Variants in MUC6 observed in about 807,000 individuals in gnomAD.
MUC6 encodes the protein mucin-6.
MUC6 carries 188 observed loss-of-function variants against 201.5 expected under a neutral mutation model. That is an observed-to-expected ratio of 0.93 (90% CI 0.83 to 1.05). The LOEUF (loss-of-function observed/expected upper bound fraction) is 1.05, where lower values mean the gene tolerates loss of function less well. Ranked by LOEUF, MUC6 falls within the 50% of genes least tolerant of loss-of-function variation. The pLI is 0.00. For synonymous variants in MUC6, 1,228 were observed against 1,389.4 expected (o/e 0.88, Z 2.58); for missense variants, 2,706 against 3,256.9 (o/e 0.83, Z 4.12).
intron 2 of MUC6, among the ~76,000 whole-genome samples, chr11:1,032,294 T>C (rs989752584): frequency 5.9e-5 from 9 of 152,150 alleles, no homozygotes; most frequent in South Asian, 2.1e-4. Context: ...GTTGTGTGTG[T>C]GCACGTGTGT....
At position 1,026,332 on chromosome 11, in the gene MUC6, C is replaced by T. The variant is rs1168727470; in HGVS notation, c.2541G>A (p.Arg847=). Residue 847 remains arginine (R), a synonymous_variant, in exon 20 of 33, where the codon AGG becomes AGA. Coordinates refer to ENST00000421673, the MANE Select transcript of MUC6 (RefSeq NM_005961.3). ...PGGAELHTDC[R]TCSCSRGRWA... is the part of the protein sequence containing the mutation. ...GAAGCGAGGCTTTGTCTCACCAGGT[C>T]CTGCAGTCAGTGTGGAGCTCAGCTC... The T allele has an allele frequency of 5.1e-6, 8 of 1,581,830 alleles. No individual in the cohort carries two copies. The highest frequency in any genetic ancestry group is 1.7e-4 in the Middle Eastern group (1 of 5,880).
At position 1,033,019 on chromosome 11, in the gene MUC6, G is replaced by A; in HGVS notation, c.109C>T (p.Gln37Ter). ...GTGGCCGCTGTGTTCTTACCTGTCTGTGGAGAGTCCTTCAGCCTCTGGAGG... is the reference window on the plus strand; with the variant it reads ...GTGGCCGCTGTGTTCTTACCTGTCTATGGAGAGTCCTTCAGCCTCTGGAGG... ...PGLQRLKDSP[Q>*]TAPDKGQCST... The change falls in exon 2 of 33, where the codon CAG (glutamine) becomes TAG (stop). Residue 37 changes from glutamine (Q) to a stop codon, truncating the protein, a stop_gained. Transcript: ENST00000421673. LOFTEE classifies it high-confidence loss of function. This position sits in a 1 kb window ranked among gnomAD's most constrained non-coding sequence, Gnocchi z 5.6. 6.2e-7 allele frequency: 1 copy of A among 1,601,470 alleles called. No individual in the cohort carries two copies.
rs745902149 is a variant in MUC6, at chr11:1,013,639, G to A, written c.7143-6C>T. The A allele has an allele frequency of 4.5e-6, 7 of 1,557,156 alleles. No homozygotes were observed. Among genetic ancestry groups the A allele is most frequent in the Non-Finnish European group, 6.1e-6 (7 of 1,151,646 alleles). On this transcript the variant is annotated splice_region_variant and splice_polypyrimidine_tract_variant and intron_variant, in intron 32 of 32. Transcript: ENST00000421673. Reference sequence around the variant, plus strand: ...GCTGGGTGATGATGTTGAAGCTGCCGAGAAGTCAAGACAGAGCAGGGTCAT... The same window carrying A: ...GCTGGGTGATGATGTTGAAGCTGCCAAGAAGTCAAGACAGAGCAGGGTCAT...
chr11:1,033,539 C>T lies in MUC6; in HGVS notation c.53-464G>A, dbSNP rs538838035. 7.9e-5 allele frequency among the ~76,000 whole-genome samples: 12 copies of T among 151,774 alleles called. No homozygotes were observed. In the South Asian group the frequency reaches 1.7e-3, roughly 21 times the overall value. ...CCCCACAGCCGGTTCTCCCTGCTCT[C>T]GGTGGCTCCGGGGCTCTAAACATGG... On this transcript the variant is annotated intron_variant, in intron 1 of 32. Transcript: ENST00000421673. This position sits in a 1 kb window ranked among gnomAD's most constrained non-coding sequence, Gnocchi z 5.6.
rs1284403725 is a variant in MUC6 at position 1,018,608 on chromosome 11, G to A, written c.4193C>T (p.Thr1398Ile). 2 of 1,613,184 alleles carry A rather than the reference G, an allele frequency of 1.2e-6. No homozygotes were observed. Among genetic ancestry groups the A allele is most frequent in the Admixed American group, 1.7e-5 (1 of 59,936 alleles). ...TGTGGTGTGTGGGGTTTGGGGCGTT[G>A]TGTATTCAGTAGTCGTTCTTGTTTG... ...TTQTRTTTEY[T>I]TPQTPHTTHS... is the part of the protein sequence containing the mutation. The change falls in exon 31 of 33, where the codon ACA becomes ATA. Residue 1398 changes from threonine (T) to isoleucine (I), a missense_variant. Thr to Ile is a moderately conservative substitution (Grantham distance 89). Transcript: ENST00000421673.
At chr11:1,019,591 GCCTGCTGTCCGGGA>G in intron 29 of MUC6, 95 bp from the exon 30 acceptor site, 1 of 1,166,368 alleles carries the variant, frequency 8.6e-7, no homozygotes, top group Non-Finnish European at 1.3e-6. Flanking sequence ...GGGATCCCTG[GCCTGCTGTCCGGGA>G]CTCAGCCTCC....
rs892498767 is a variant in MUC6, at chr11:1,015,965, C to T, written c.6836G>A (p.Arg2279Gln). ...TGACACAAAGCCTGATGTGGGAACT[C>T]GGGTGGTGAGAGAAGTGGACCGCGA... is the stretch of plus-strand genomic sequence containing the variant. ...TTSRSTSLTT[R>Q]VPTSGFVSLT... The change falls in exon 31 of 33, where the codon CGA becomes CAA. Residue 2279 changes from arginine (R) to glutamine (Q), a missense_variant. Physicochemically the swap from Arg to Gln is conservative, Grantham distance 43 (BLOSUM62 1). This residue lies in a region of MUC6 where 586 missense variants were observed against 488.0 expected (regional missense o/e 1.20). Coordinates refer to ENST00000421673, the MANE Select transcript of MUC6 (RefSeq NM_005961.3). The T allele has an allele frequency of 4.4e-6, 7 of 1,592,204 alleles. No homozygotes were observed. Among genetic ancestry groups the T allele is most frequent in the African/African-American group, 2.7e-5 (2 of 74,520 alleles).
chr11:1,025,719 TG>T, intron 22 of MUC6, 85 bp downstream of exon 22: 1 of 1,282,030 alleles, frequency 7.8e-7, no homozygotes, highest in Non-Finnish European at 1.1e-6. Flanking sequence ...GGGCAGGACC[TG>T]GAGGCTCCAG....
chr11:1,027,062 A>G lies in MUC6; in HGVS notation c.2285-12T>C. ...GGCCTGGCAGGAGGCTGCAGGAAAG[A>G]GGGGTGCGCGGTCAGGACACTCAGA... is the stretch of plus-strand genomic sequence containing the variant. On this transcript the variant is annotated splice_polypyrimidine_tract_variant and intron_variant, in intron 18 of 32. Transcript: ENST00000421673. The G allele has an allele frequency of 4.4e-6, 7 of 1,604,968 alleles. No homozygotes were observed. Among genetic ancestry groups the G allele is most frequent in the Non-Finnish European group, 6.0e-6 (7 of 1,176,452 alleles).
intron 31 of MUC6, among the ~76,000 whole-genome samples, chr11:1,014,700 C>T (rs916649747): frequency 7.9e-5 from 12 of 152,196 alleles, no homozygotes; most frequent in African/African-American, 2.7e-4. Context: ...CTCTGCTGCC[C>T]GTGTGCCCTC....
In MUC6 at chr11:1,034,382, G is replaced by C. The variant is rs1002760318; in HGVS notation, c.53-1307C>G. Among the ~76,000 whole-genome samples, 5 of 152,280 alleles carry C rather than the reference G, an allele frequency of 3.3e-5. No homozygotes were observed. The East Asian group carries it at 7.7e-4, about 24-fold the overall frequency. ...GCTCATGCTGGGCCCTGAGCCTGGC[G>C]AGCACCTACCCCCTCACTCATCCCC... On this transcript the variant is annotated intron_variant, in intron 1 of 32. Coordinates refer to ENST00000421673, the MANE Select transcript of MUC6 (RefSeq NM_005961.3).
chr11:1,032,396 C>T (rs980780311), intron 2 of MUC6, among the ~76,000 whole-genome samples: 5 of 150,816 alleles, frequency 3.3e-5, no homozygotes, highest in Middle Eastern at 3.6e-3. Flanking sequence ...GCTGTGTAGG[C>T]GTGTGAGATA....
Position 1,031,717 on chromosome 11 carries a change from A to G in MUC6, c.373T>C (p.Tyr125His). 1 of 1,550,716 alleles carries G rather than the reference A, an allele frequency of 6.4e-7. No individual in the cohort carries two copies. The highest frequency in any genetic ancestry group is 8.7e-7 in the Non-Finnish European group (1 of 1,146,968). The change falls in exon 4 of 33, where the codon TAT (tyrosine) becomes CAT (histidine). Residue 125 changes from tyrosine to histidine, a missense_variant. Coordinates refer to ENST00000421673, the MANE Select transcript of MUC6 (RefSeq NM_005961.3). The stretch of plus-strand genomic sequence containing the variant: ...GTGATCTGGAGTCCATTGCTGGTAT[A>G]GGGCAGGCTGATGACCCTGTGGGGC... ...VKDIGVISLP[Y>H]TSNGLQITPF...
chr11:1,025,762 C>CT, intron 22 of MUC6, 43 bp downstream of exon 22: 1 of 1,544,954 alleles, frequency 6.5e-7, no homozygotes, highest in Non-Finnish European at 8.8e-7. Context: ...GCAGGGCCCC[C>CT]TACCGCCCGT....
intron 24 of MUC6, among the ~76,000 whole-genome samples, chr11:1,024,450 C>A (rs1856901903): frequency 6.6e-6 from 1 of 152,210 alleles, no homozygotes; most frequent in Non-Finnish European, 1.5e-5. Context: ...GCGGGGTGCC[C>A]CCATCCTCTC....
At chr11:1,025,395 C>A in intron 22 of MUC6, 28 bp from the exon 23 acceptor site, 2 of 1,595,236 alleles carry the variant, frequency 1.3e-6, no homozygotes, top group Non-Finnish European at 1.7e-6. Flanking sequence ...CATAGGACTG[C>A]CTGTCTGTCT....
intron 30 of MUC6, 38 bp downstream of exon 30, chr11:1,019,237 C>T: frequency 1.2e-6 from 2 of 1,601,758 alleles, no homozygotes; most frequent in Non-Finnish European, 1.7e-6. Flanking sequence ...GACCGGGTGC[C>T]TTCGGCAGTG....
Position 1,029,029 on chromosome 11 carries a change from C to T in MUC6, c.1380+17G>A, listed in dbSNP as rs758193062. On this transcript the variant is annotated intron_variant, in intron 11 of 32. Coordinates refer to ENST00000421673, the MANE Select transcript of MUC6 (RefSeq NM_005961.3). Reference sequence around the variant, plus strand: ...GCGGAGCCCTGCTGGCAGGGATGGGCGCAGGAAAGGCCTTACCTGCCTGGA... The same window carrying T: ...GCGGAGCCCTGCTGGCAGGGATGGGTGCAGGAAAGGCCTTACCTGCCTGGA... The T allele has an allele frequency of 2.5e-5, 41 of 1,612,390 alleles. No homozygotes were observed. Among genetic ancestry groups the T allele is most frequent in the African/African-American group, 1.9e-4 (14 of 74,870 alleles).
chr11:1,036,542 C>T (rs1857220011), intron 1 of MUC6, 62 bp downstream of exon 1: 1 of 1,527,518 alleles, frequency 6.5e-7, no homozygotes. Flanking sequence ...GGCCCAGAGA[C>T]CCCCGCACAC....
Sources: gnomAD v4.1 joint callset for allele counts (sites outside exome capture counted in the v4.1 genomes callset) on GRCh38, gnomAD v4.1.1 for gene constraint, gnomAD v4.1.1 regional missense constraint, Gnocchi (gnomAD v3.1) non-coding constraint, MANE v1.5 for transcripts, NCBI Gene and HGNC (gene_info 2026-07-23, HGNC 2026-07-21) for gene names.